The following TAFA1 variants were observed in gnomAD, a reference collection of about 807,000 sequenced individuals.
TAFA1 encodes the protein TAFA chemokine like family member 1.
A neutral mutation model predicts 18.5 loss-of-function variants in TAFA1; 4 were observed. The observed-to-expected ratio is 0.22, with a 90% CI of 0.11 to 0.49. The LOEUF (loss-of-function observed/expected upper bound fraction) is 0.49. Ranked by LOEUF, TAFA1 falls within the 20% of genes least tolerant of loss-of-function variation. The probability of loss-of-function intolerance (pLI) is 0.98; values close to 1 mark genes in which losing one functional copy is unlikely to be tolerated. For missense variants in TAFA1, 147 were observed against 169.0 expected, an observed-to-expected ratio of 0.87 and a Z score of 0.72; for synonymous variants, 56 against 55.2, an observed-to-expected ratio of 1.01 and a Z score of -0.06.
At chr3:68,488,541 G>A (rs1179098855) in intron 3 of TAFA1, among the ~76,000 whole-genome samples, 1 of 152,124 alleles carries the variant, frequency 6.6e-6, no homozygotes, top group African/African-American at 2.4e-5. Flanking sequence ...GACTCTTAAG[G>A]ACCAAAACTC....
intron 2 of TAFA1, among the ~76,000 whole-genome samples, chr3:68,233,404 T>C (rs2066893997): frequency 6.6e-6 from 1 of 152,228 alleles, no homozygotes; most frequent in Admixed American, 6.5e-5. Flanking sequence ...TTCCTCAATG[T>C]ATGTTCTTGG....
chr3:68,059,470 T>A (rs1057106093), intron 2 of TAFA1, among the ~76,000 whole-genome samples: 1 of 152,188 alleles, frequency 6.6e-6, no homozygotes, highest in Non-Finnish European at 1.5e-5. Context: ...GCACAGCCTA[T>A]ATTCTACCTA....
At chr3:68,076,015 G>C (rs1439745632) in intron 2 of TAFA1, among the ~76,000 whole-genome samples, 1 of 151,998 alleles carries the variant, frequency 6.6e-6, no homozygotes, top group Admixed American at 6.6e-5. Flanking sequence ...ATCTTTCATA[G>C]GAAAAAGAAA....
rs142998900 is a variant in TAFA1, at chr3:68,415,608, A to G, written c.119-1672A>G. Among the ~76,000 whole-genome samples the G allele has an allele frequency of 1.2e-3, 177 of 152,260 alleles. 1 individual carries two copies. The highest frequency in any genetic ancestry group is 4.1e-3 in the African/African-American group (172 of 41,552). On this transcript the variant is annotated intron_variant, in intron 2 of 4. Transcript: ENST00000478136. ...TTGTTGGCACCAAAGATATAAATTT[A>G]TACCTTTGTTGGCACCTACAAAGAT... is the stretch of plus-strand genomic sequence containing the variant.
chr3:68,426,531 T>G (rs1272075765), intron 3 of TAFA1, among the ~76,000 whole-genome samples: 1 of 151,826 alleles, frequency 6.6e-6, no homozygotes, highest in Non-Finnish European at 1.5e-5. Context: ...GTCACTCACA[T>G]GAAGAAATGT....
intron 3 of TAFA1, among the ~76,000 whole-genome samples, chr3:68,457,640 C>G (rs1043737077): frequency 7.2e-5 from 11 of 152,270 alleles, no homozygotes; most frequent in African/African-American, 2.6e-4. Flanking sequence ...ATTTATCACT[C>G]TTTGTGGTGA....
chr3:68,228,229 A>G lies in TAFA1; in HGVS notation c.119-189051A>G, dbSNP rs776056457. ...CTCTATAAATACTGTTCTTTTTCCT[A>G]ATTTTTATATTTTTGTTTATTAATT... On this transcript the variant is annotated intron_variant, in intron 2 of 4. Transcript: ENST00000478136. Among the ~76,000 whole-genome samples the G allele has an allele frequency of 3.2e-4, 49 of 152,144 alleles. 1 individual carries two copies. The highest frequency in any genetic ancestry group is 4.6e-4 in the Admixed American group (7 of 15,276).
intron 2 of TAFA1, among the ~76,000 whole-genome samples, chr3:68,311,347 G>A (rs2068512702): frequency 6.6e-6 from 1 of 151,968 alleles, no homozygotes; most frequent in Non-Finnish European, 1.5e-5. Context: ...GTCTCCGAAA[G>A]TGTCAATTCA....
intron 2 of TAFA1, among the ~76,000 whole-genome samples, chr3:68,078,430 T>C (rs1019307658): frequency 7.2e-5 from 11 of 152,204 alleles, no homozygotes; most frequent in African/African-American, 2.4e-4. Context: ...CCATTCAGTA[T>C]GATATTGGCT....
intron 2 of TAFA1, among the ~76,000 whole-genome samples, chr3:68,009,618 A>C (rs997680983): frequency 6.6e-6 from 1 of 152,188 alleles, no homozygotes; most frequent in Admixed American, 6.5e-5. Flanking sequence ...AATGATATTA[A>C]ACTTAACATC....
At chr3:68,511,989 T>A (rs1242387813) in intron 3 of TAFA1, among the ~76,000 whole-genome samples, 2 of 152,018 alleles carry the variant, frequency 1.3e-5, no homozygotes, top group African/African-American at 4.8e-5. Flanking sequence ...ATTTCATATA[T>A]CATTACCTCA....
chr3:68,319,051 A>G (rs770417265), intron 2 of TAFA1, among the ~76,000 whole-genome samples: 11 of 152,134 alleles, frequency 7.2e-5, no homozygotes, highest in Non-Finnish European at 1.3e-4. Flanking sequence ...TCCTTTCACA[A>G]TGTACTTGAG....
At chr3:68,462,156 T>C (rs1238120149) in intron 3 of TAFA1, among the ~76,000 whole-genome samples, 1 of 152,022 alleles carries the variant, frequency 6.6e-6, no homozygotes, top group African/African-American at 2.4e-5. Context: ...TTCCTAAATA[T>C]ATATCTACAC....
intron 2 of TAFA1, among the ~76,000 whole-genome samples, chr3:68,270,778 G>A (rs1028854594): frequency 6.6e-6 from 1 of 152,122 alleles, no homozygotes; most frequent in Non-Finnish European, 1.5e-5. Context: ...GCAGCTATGA[G>A]ATGTATTATG....
At chr3:68,391,812 A>T (rs2070255720) in intron 2 of TAFA1, among the ~76,000 whole-genome samples, 1 of 152,190 alleles carries the variant, frequency 6.6e-6, no homozygotes, top group Non-Finnish European at 1.5e-5. Flanking sequence ...GCAAATGCTG[A>T]GGGATTTTGT....
chr3:68,419,318 T>C (rs527440166), intron 3 of TAFA1, among the ~76,000 whole-genome samples: 28 of 152,208 alleles, frequency 1.8e-4, no homozygotes, highest in African/African-American at 6.3e-4. Flanking sequence ...CATAAGGAGA[T>C]ACATTTTTAT....
At chr3:68,034,610 T>C (rs1204281071) in intron 2 of TAFA1, among the ~76,000 whole-genome samples, 4 of 152,246 alleles carry the variant, frequency 2.6e-5, no homozygotes, top group Non-Finnish European at 5.9e-5. Flanking sequence ...TGATTTCTGC[T>C]TTAGTACTTG....
intron 2 of TAFA1, among the ~76,000 whole-genome samples, chr3:68,333,479 G>A (rs1056138680): frequency 2.0e-5 from 3 of 152,130 alleles, no homozygotes; most frequent in African/African-American, 7.2e-5. Flanking sequence ...CTACTTGAGT[G>A]TAGAGGGTGG....
chr3:68,263,972 T>A (rs371869882), intron 2 of TAFA1, among the ~76,000 whole-genome samples: 3 of 152,230 alleles, frequency 2.0e-5, no homozygotes, highest in African/African-American at 4.8e-5. Context: ...TTTATTTTTT[T>A]AAATATACTC....
Sources: gnomAD v4.1 joint callset for allele counts (sites outside exome capture counted in the v4.1 genomes callset) on GRCh38, gnomAD v4.1.1 for gene constraint, MANE v1.5 for transcripts, NCBI Gene and HGNC (gene_info 2026-07-23, HGNC 2026-07-21) for gene names.